The following PTPRQ variants were observed in gnomAD, a reference collection of about 807,000 sequenced individuals.
PTPRQ encodes phosphatidylinositol phosphatase PTPRQ.
A neutral mutation model predicts 246.0 loss-of-function variants in PTPRQ; 199 were observed. The observed-to-expected ratio is 0.81, with a 90% CI of 0.72 to 0.91. The LOEUF (loss-of-function observed/expected upper bound fraction) is 0.91. Among genes scored for constraint, PTPRQ ranks in the 40% least tolerant of loss-of-function variants. The pLI is 0.00. For missense variants in PTPRQ, 2,624 were observed against 2,528.4 expected (o/e 1.04, Z -0.81); for synonymous variants, 869 against 853.2 (o/e 1.02, Z -0.32).
At chr12:80,471,977 A>G in intron 7 of PTPRQ, 128 bp from the exon 8 acceptor site, 1 of 1,118,298 alleles carries the variant, frequency 8.9e-7, no homozygotes, top group Non-Finnish European at 1.2e-6. Flanking sequence ...TGCAGTTTTG[A>G]TATTATAATA....
intron 43 of PTPRQ, 36 bp downstream of exon 43, chr12:80,673,340 C>A: frequency 6.5e-7 from 1 of 1,528,604 alleles, no homozygotes; most frequent in South Asian, 1.3e-5. Flanking sequence ...TTCTAAAGTT[C>A]TAGAATTTCC....
intron 4 of PTPRQ, 40 bp downstream of exon 4, chr12:80,457,684 G>T (rs551181723): frequency 2.5e-6 from 1 of 399,696 alleles, no homozygotes; most frequent in Non-Finnish European, 4.4e-6. Context: ...ACTTAGTCAT[G>T]AGTTTGTCGT....
intron 8 of PTPRQ, among the ~76,000 whole-genome samples, chr12:80,482,348 T>C (rs988075127): frequency 5.3e-4 from 80 of 151,968 alleles, no homozygotes; most frequent in Non-Finnish European, 9.3e-4. Context: ...CTGGATCCCT[T>C]CCTTACACCT....
At chr12:80,633,182 G>A (rs1899506962) in intron 34 of PTPRQ, among the ~76,000 whole-genome samples, 1 of 152,140 alleles carries the variant, frequency 6.6e-6, no homozygotes, top group African/African-American at 2.4e-5. Context: ...AAAAGCAGAA[G>A]CTTTCAGGCC....
Position 80,549,643 on chromosome 12 carries a change from C to A in PTPRQ, c.4194C>A (p.Ala1398=). 1 of 1,551,134 alleles carries A rather than the reference C, an allele frequency of 6.4e-7. No homozygotes were observed. Among genetic ancestry groups the A allele is most frequent in the Non-Finnish European group, 8.7e-7 (1 of 1,146,590 alleles). ...TGTACACTTTCATAAAGCTTCTTGC[C>A]AATACCTCATATGTCTTTAAAGTAA... ...DHMYTFIKLL[A]NTSYVFKVRA... Residue 1398 remains alanine (A), a synonymous_variant, in exon 25 of 45, where the codon GCC becomes GCA. Transcript: ENST00000644991.
chr12:80,542,825 G>GTTTTAAATTTAAAT lies in PTPRQ; in HGVS notation c.3819_3820insTTAAATTTAAATTT (p.Lys1274LeufsTer62). On this transcript the variant is annotated frameshift_variant, in exon 23 of 45. Coordinates refer to ENST00000644991, the MANE Select transcript of PTPRQ (RefSeq NM_001145026.2). LOFTEE classifies it high-confidence loss of function. ...CCCAAGTCCTCTTCCAGGTGGTATT[G>GTTTTAAATTTAAAT]TTAAAGTATATAGTTTTAAAATTCA... The GTTTTAAATTTAAAT allele has an allele frequency of 6.5e-7, 1 of 1,547,824 alleles. No homozygotes were observed. Among genetic ancestry groups the GTTTTAAATTTAAAT allele is most frequent in the Non-Finnish European group, 8.7e-7 (1 of 1,145,206 alleles).
intron 8 of PTPRQ, among the ~76,000 whole-genome samples, chr12:80,473,507 A>G (rs1159063279): frequency 6.6e-5 from 10 of 152,176 alleles, no homozygotes; most frequent in Non-Finnish European, 1.2e-4. Context: ...GTACCTATTG[A>G]TTTCTATTCT....
At chr12:80,591,311 T>C (rs186744794) in intron 26 of PTPRQ, among the ~76,000 whole-genome samples, 1 of 152,026 alleles carries the variant, frequency 6.6e-6, no homozygotes, top group Admixed American at 6.6e-5. Flanking sequence ...ACAATTTTGA[T>C]AGAGATGAGG....
At chr12:80,454,446 G>C (rs184204208) in intron 3 of PTPRQ, 1 of 594,538 alleles carries the variant, frequency 1.7e-6, no homozygotes, top group African/African-American at 3.2e-5. Flanking sequence ...ATGCAGAAAT[G>C]GATGCCTTTT....
At chr12:80,543,030 GGAAAA>G in intron 23 of PTPRQ, 149 bp downstream of exon 23, 1 of 614,440 alleles carries the variant, frequency 1.6e-6, no homozygotes, top group Non-Finnish European at 2.6e-6. Flanking sequence ...GGATGCTTAT[GGAAAA>G]CACAAGCAAG....
intron 25 of PTPRQ, among the ~76,000 whole-genome samples, chr12:80,563,423 C>A (rs932077023): frequency 2.0e-5 from 3 of 151,924 alleles, no homozygotes; most frequent in Non-Finnish European, 4.4e-5. Context: ...TAATCCCACT[C>A]GTGAGGGCAG....
chr12:80,466,923 T>A (rs866211003), intron 6 of PTPRQ, among the ~76,000 whole-genome samples: 16 of 151,606 alleles, frequency 1.1e-4, no homozygotes, highest in African/African-American at 3.2e-4. Context: ...AACCTAGGCA[T>A]TACCATTCAG....
intron 35 of PTPRQ, among the ~76,000 whole-genome samples, chr12:80,639,083 C>G (rs576117455): frequency 9.2e-5 from 14 of 152,306 alleles, no homozygotes; most frequent in African/African-American, 3.4e-4. Context: ...CAGACACAGA[C>G]ACGCACAGTA....
chr12:80,517,623 C>G (rs910962041), intron 17 of PTPRQ, among the ~76,000 whole-genome samples: 4 of 151,578 alleles, frequency 2.6e-5, no homozygotes, highest in African/African-American at 9.7e-5. Context: ...TTTTTATACC[C>G]ATTAACCATC....
At chr12:80,516,486 C>T (rs1768847123) in intron 17 of PTPRQ, among the ~76,000 whole-genome samples, 1 of 152,228 alleles carries the variant, frequency 6.6e-6, no homozygotes, top group Admixed American at 6.5e-5. Flanking sequence ...CACCTTAAAA[C>T]GATTGATGAC....
At chr12:80,665,822 G>T (rs959338511) in intron 39 of PTPRQ, among the ~76,000 whole-genome samples, 8 of 151,864 alleles carry the variant, frequency 5.3e-5, no homozygotes, top group African/African-American at 1.9e-4. Flanking sequence ...CATACAAATG[G>T]CCAACAGGCA....
intron 4 of PTPRQ, among the ~76,000 whole-genome samples, 198 bp from the exon 5 acceptor site, chr12:80,459,086 C>T (rs1373383006): frequency 2.6e-5 from 4 of 151,864 alleles, no homozygotes; most frequent in African/African-American, 7.3e-5. Flanking sequence ...GCCCAGTTAT[C>T]CTAAAGTAAA....
intron 18 of PTPRQ, 134 bp from the exon 19 acceptor site, chr12:80,534,758 A>G (rs889051622): frequency 1.2e-5 from 14 of 1,122,982 alleles, no homozygotes; most frequent in Non-Finnish European, 1.7e-5. Flanking sequence ...TTCATTTCTG[A>G]CATTTCTAAT....
intron 8 of PTPRQ, among the ~76,000 whole-genome samples, chr12:80,476,218 G>T (rs1363380459): frequency 6.6e-6 from 1 of 152,112 alleles, no homozygotes; most frequent in Admixed American, 6.5e-5. Context: ...AAATAGCCAT[G>T]TTATTTTACA....
Sources: gnomAD v4.1 joint callset for allele counts (sites outside exome capture counted in the v4.1 genomes callset) on GRCh38, gnomAD v4.1.1 for gene constraint, MANE v1.5 for transcripts, NCBI Gene and HGNC (gene_info 2026-07-23, HGNC 2026-07-21) for gene names.